Variants in TNRC6A observed in about 807,000 individuals in gnomAD.
TNRC6A encodes the protein trinucleotide repeat containing adaptor 6A, also known as trinucleotide repeat-containing gene 6A protein.
A neutral mutation model predicts 221.2 loss-of-function variants in TNRC6A; 44 were observed. The observed-to-expected ratio is 0.20, with a 90% CI of 0.16 to 0.26. The LOEUF (loss-of-function observed/expected upper bound fraction) is 0.26. Ranked by LOEUF, TNRC6A falls within the 10% of genes least tolerant of loss-of-function variation. The pLI is 1.00. For synonymous variants in TNRC6A, 847 were observed against 838.5 expected, an observed-to-expected ratio of 1.01 and a Z score of -0.18; for missense variants, 2,199 against 2,404.4, an observed-to-expected ratio of 0.91 and a Z score of 1.79.
intron 22 of TNRC6A, among the ~76,000 whole-genome samples, chr16:24,820,670 G>A (rs2058749407): frequency 6.6e-6 from 1 of 152,234 alleles, no homozygotes; most frequent in Admixed American, 6.5e-5. Context: ...CAAGTCTGGG[G>A]AACATGGGAG....
chr16:24,711,035 C>T lies in TNRC6A; in HGVS notation n.403-39691C>T, dbSNP rs568685399. On this transcript the variant is annotated intron_variant and non_coding_transcript_variant, in intron 2 of 2. Coordinates refer to the TNRC6A transcript ENST00000566108. ...GGACTACACGCATGTGCCACCACACCGGGCAAATTTTTTGTATTTTTAGTA... is the reference window on the plus strand; with the variant it reads ...GGACTACACGCATGTGCCACCACACTGGGCAAATTTTTTGTATTTTTAGTA... 5.3e-5 allele frequency among the ~76,000 whole-genome samples: 8 copies of T among 151,304 alleles called. No individual in the cohort carries two copies. In the East Asian group the frequency reaches 9.7e-4, roughly 18 times the overall value.
At chr16:24,730,013 C>T (rs1481122741) in intron 1 of TNRC6A, among the ~76,000 whole-genome samples, 167 bp downstream of exon 1, 1 of 147,778 alleles carries the variant, frequency 6.8e-6, no homozygotes. Context: ...GAGCGGGCGG[C>T]CCGGGGGAGC....
At chr16:24,819,507 C>CTTTTTTTTTTTTTTTTT (rs71383722) in intron 21 of TNRC6A, 14 of 81,990 alleles carry the variant, frequency 1.7e-4, no homozygotes, top group Non-Finnish European at 2.5e-4. Flanking sequence ...CTTTTTCTTT[C>CTTTTTTTTTTTTTTTTT]TTTTTTTTTT....
intron 2 of TNRC6A, among the ~76,000 whole-genome samples, chr16:24,657,317 C>CAAAAAAAAAAAAAAAAAAAAAAA (rs56241898): frequency 1.1e-5 from 1 of 88,170 alleles, no homozygotes; most frequent in African/African-American, 5.1e-5. Context: ...GACCCTATCT[C>CAAAAAAAAAAAAAAAAAAAAAAA]AAAAAAAAAA....
At chr16:24,807,989 C>T (rs2058469642) in intron 17 of TNRC6A, among the ~76,000 whole-genome samples, 1 of 152,198 alleles carries the variant, frequency 6.6e-6, no homozygotes, top group African/African-American at 2.4e-5. Flanking sequence ...CAGACTCTCA[C>T]CTGGGACATA....
At chr16:24,612,072 C>A (rs973009880) in intron 1 of TNRC6A, among the ~76,000 whole-genome samples, 12 of 152,008 alleles carry the variant, frequency 7.9e-5, no homozygotes, top group Admixed American at 1.3e-4. Context: ...CCAGCCTGGA[C>A]AACAGATCAA....
At chr16:24,622,782 C>T (rs910446416) in intron 1 of TNRC6A, among the ~76,000 whole-genome samples, 12 of 152,092 alleles carry the variant, frequency 7.9e-5, no homozygotes, top group Admixed American at 6.6e-5. Flanking sequence ...GCACAAATGG[C>T]AATAACAGTT....
At chr16:24,728,834 TCTTA>T (rs2056539439), upstream of TNRC6A, among the ~76,000 whole-genome samples, 2 of 152,244 alleles carry the variant, frequency 1.3e-5, no homozygotes, top group South Asian at 4.1e-4. Context: ...CTAAGATGTT[TCTTA>T]CTGTGTGAGC....
At chr16:24,771,582 T>TTATGTTTTATGTTATGTTGTGA in intron 4 of TNRC6A, among the ~76,000 whole-genome samples, 1 of 95,480 alleles carries the variant, frequency 1.0e-5, no homozygotes, top group African/African-American at 4.4e-5. Flanking sequence ...TTATGTTATG[T>TTATGTTTTATGTTATGTTGTGA]TGTTATGTTA....
At chr16:24,710,016 T>C (rs1445233302) in intron 2 of TNRC6A, among the ~76,000 whole-genome samples, 1 of 150,840 alleles carries the variant, frequency 6.6e-6, no homozygotes, top group Non-Finnish European at 1.5e-5. Flanking sequence ...GCACCTGAGG[T>C]TGGGCGTTCA....
At chr16:24,792,613 C>CTTTTTTTTTTTTTTTT (rs34670934) in intron 6 of TNRC6A, among the ~76,000 whole-genome samples, 3 of 56,514 alleles carry the variant, frequency 5.3e-5, no homozygotes, top group African/African-American at 2.4e-4. Flanking sequence ...ACATTTATGG[C>CTTTTTTTTTTTTTTTT]TTTTTTTTTT....
intron 1 of TNRC6A, among the ~76,000 whole-genome samples, chr16:24,635,879 C>G (rs1901613346): frequency 6.6e-6 from 1 of 152,192 alleles, no homozygotes; most frequent in Non-Finnish European, 1.5e-5. Flanking sequence ...TAGCTCACAT[C>G]CTGCATTTTA....
At chr16:24,671,452 G>A (rs1482536235) in intron 2 of TNRC6A, among the ~76,000 whole-genome samples, 1 of 152,176 alleles carries the variant, frequency 6.6e-6, no homozygotes, top group African/African-American at 2.4e-5. Context: ...GGAGGATGCT[G>A]GTTGGAATGA....
intron 2 of TNRC6A, among the ~76,000 whole-genome samples, chr16:24,669,277 C>T (rs1407824876): frequency 1.3e-5 from 2 of 152,008 alleles, no homozygotes; most frequent in Admixed American, 6.6e-5. Flanking sequence ...GTTGGGTGGA[C>T]TGCTTCAGCC....
At chr16:24,647,657 G>A (rs1370842249) in intron 2 of TNRC6A, among the ~76,000 whole-genome samples, 1 of 152,162 alleles carries the variant, frequency 6.6e-6, no homozygotes, top group Non-Finnish European at 1.5e-5. Context: ...TTTCGCCCAG[G>A]CTGGAGTGCA....
At chr16:24,821,575 TC>T (rs2058766242) in intron 22 of TNRC6A, among the ~76,000 whole-genome samples, 1 of 152,130 alleles carries the variant, frequency 6.6e-6, no homozygotes, top group Admixed American at 6.5e-5. Flanking sequence ...AGGGCTGTAC[TC>T]CCAGGGGAAG....
At chr16:24,738,055 A>G (rs1567407117) in intron 2 of TNRC6A, among the ~76,000 whole-genome samples, 1 of 152,214 alleles carries the variant, frequency 6.6e-6, no homozygotes, top group East Asian at 1.9e-4. Context: ...CATTCTCTAC[A>G]CTGCTGCAGG....
intron 2 of TNRC6A, chr16:24,663,818 C>A (rs2055086629): frequency 4.7e-6 from 2 of 428,270 alleles, no homozygotes; most frequent in Admixed American, 2.5e-5. Flanking sequence ...TGACCGCAGG[C>A]ACCCACCATA....
At chr16:24,619,984 A>G (rs958616118) in intron 1 of TNRC6A, among the ~76,000 whole-genome samples, 1 of 152,162 alleles carries the variant, frequency 6.6e-6, no homozygotes, top group South Asian at 2.1e-4. Flanking sequence ...TGTATAAAAA[A>G]TTAAAAACTT....
Sources: gnomAD v4.1 joint callset for allele counts (sites outside exome capture counted in the v4.1 genomes callset) on GRCh38, gnomAD v4.1.1 for gene constraint, MANE v1.5 for transcripts, NCBI Gene and HGNC (gene_info 2026-07-23, HGNC 2026-07-21) for gene names.